The following HS3ST2 variants were observed in gnomAD, a reference collection of about 807,000 sequenced individuals.
The protein encoded by HS3ST2 is heparan sulfate glucosamine 3-O-sulfotransferase 2.
In HS3ST2, 17 loss-of-function variants were observed where a neutral mutation model predicts 26.3. The observed-to-expected ratio is 0.65, with a 90% CI of 0.44 to 0.97. The LOEUF (loss-of-function observed/expected upper bound fraction) is 0.97, where lower values mean the gene tolerates loss of function less well. Among genes scored for constraint, HS3ST2 ranks in the 50% least tolerant of loss-of-function variants. The pLI is 0.00. For missense variants in HS3ST2, 402 were observed against 501.2 expected, an observed-to-expected ratio of 0.80 and a Z score of 1.89; for synonymous variants, 237 against 219.2, an observed-to-expected ratio of 1.08 and a Z score of -0.72.
chr16:22,892,877 A>C (rs1243108780), intron 1 of HS3ST2, among the ~76,000 whole-genome samples: 1 of 152,168 alleles, frequency 6.6e-6, no homozygotes, highest in African/African-American at 2.4e-5. Flanking sequence ...GAAACTTTAT[A>C]GTTATTATGT....
intron 1 of HS3ST2, among the ~76,000 whole-genome samples, chr16:22,883,578 A>G (rs1182892242): frequency 6.6e-6 from 1 of 152,240 alleles, no homozygotes; most frequent in Non-Finnish European, 1.5e-5. Context: ...TATAATAACT[A>G]TGTAACTGGT....
chr16:22,898,438 C>G (rs1322760214), intron 1 of HS3ST2, among the ~76,000 whole-genome samples: 1 of 152,166 alleles, frequency 6.6e-6, no homozygotes, highest in African/African-American at 2.4e-5. Flanking sequence ...AAATAAGCCA[C>G]TTCAGAGACT....
At chr16:22,859,394 G>T (rs1056980993) in intron 1 of HS3ST2, among the ~76,000 whole-genome samples, 1 of 152,170 alleles carries the variant, frequency 6.6e-6, no homozygotes, top group Non-Finnish European at 1.5e-5. Context: ...AGATATTGGG[G>T]CCTCACACGT....
At chr16:22,842,001 C>G (rs923367850) in intron 1 of HS3ST2, among the ~76,000 whole-genome samples, 3 of 149,100 alleles carry the variant, frequency 2.0e-5, no homozygotes, top group African/African-American at 7.4e-5. Flanking sequence ...TTTTTTTTCT[C>G]TGGTTGTTTT....
chr16:22,876,025 C>T (rs996354332), intron 1 of HS3ST2, among the ~76,000 whole-genome samples: 7 of 152,160 alleles, frequency 4.6e-5, no homozygotes, highest in Admixed American at 2.0e-4. Context: ...CATTCTGTGA[C>T]GTTCACACAA....
intron 1 of HS3ST2, among the ~76,000 whole-genome samples, chr16:22,847,876 AAG>A (rs2141184576): frequency 2.0e-5 from 3 of 151,928 alleles, no homozygotes; most frequent in African/African-American, 4.8e-5. Context: ...AAAAAAAAGA[AAG>A]AAAGAGGAAG....
intron 1 of HS3ST2, among the ~76,000 whole-genome samples, chr16:22,822,026 A>G (rs1486982183): frequency 6.6e-6 from 1 of 152,098 alleles, no homozygotes; most frequent in East Asian, 1.9e-4. Context: ...ACACTCCCCA[A>G]GTGAGAAAGC....
At chr16:22,898,117 G>C (rs1290153751) in intron 1 of HS3ST2, among the ~76,000 whole-genome samples, 3 of 152,164 alleles carry the variant, frequency 2.0e-5, no homozygotes, top group African/African-American at 7.2e-5. Context: ...AATATTTGGT[G>C]GGTATGATTC....
intron 1 of HS3ST2, among the ~76,000 whole-genome samples, chr16:22,910,051 A>AAAG (rs1555515050): frequency 6.1e-4 from 93 of 151,682 alleles, no homozygotes; most frequent in East Asian, 1.7e-3. Context: ...AAAAAAAAAA[A>AAAG]AAAGAAAGAA....
rs779096396 is a variant in HS3ST2, at chr16:22,889,521, C to T, written c.486-25423C>T. Among the ~76,000 whole-genome samples, 5 of 152,074 alleles carry T rather than the reference C, an allele frequency of 3.3e-5. No homozygotes were observed. The South Asian group carries it at 1.0e-3, about 32-fold the overall frequency. On this transcript the variant is annotated intron_variant, in intron 1 of 1. Coordinates refer to ENST00000261374, the MANE Select transcript of HS3ST2 (RefSeq NM_006043.2). Reference sequence around the variant, plus strand: ...CAAGGAAATGCTCACTAGAGCATTTCGGATTTTGGATTTTCAGATTCGGGA... The same window carrying T: ...CAAGGAAATGCTCACTAGAGCATTTTGGATTTTGGATTTTCAGATTCGGGA...
chr16:22,846,618 C>T (rs1021500234), intron 1 of HS3ST2, among the ~76,000 whole-genome samples: 8 of 152,164 alleles, frequency 5.3e-5, no homozygotes, highest in African/African-American at 1.9e-4. Flanking sequence ...TGGCAAAAAT[C>T]AGAAAAATGC....
chr16:22,883,504 G>A (rs1902020393), intron 1 of HS3ST2, among the ~76,000 whole-genome samples: 1 of 152,202 alleles, frequency 6.6e-6, no homozygotes. Flanking sequence ...AGGAAGTCCA[G>A]GCATCCACAA....
chr16:22,878,994 C>A (rs1451779747), intron 1 of HS3ST2, among the ~76,000 whole-genome samples: 2 of 152,194 alleles, frequency 1.3e-5, no homozygotes, highest in African/African-American at 4.8e-5. Context: ...TTGCCGAAAG[C>A]CCTGTCTACA....
chr16:22,871,767 C>A (rs1257692685), intron 1 of HS3ST2, among the ~76,000 whole-genome samples: 1 of 152,202 alleles, frequency 6.6e-6, no homozygotes, highest in Non-Finnish European at 1.5e-5. Context: ...ATTTGACAGG[C>A]AAAGTCTCAG....
chr16:22,878,584 G>C (rs1054683185), intron 1 of HS3ST2, among the ~76,000 whole-genome samples: 8 of 151,836 alleles, frequency 5.3e-5, no homozygotes, highest in African/African-American at 1.2e-4. Flanking sequence ...AACACTGAAG[G>C]ATATGAAGCG....
At chr16:22,818,624 C>A (rs1003860424) in intron 1 of HS3ST2, among the ~76,000 whole-genome samples, 12 of 151,522 alleles carry the variant, frequency 7.9e-5, no homozygotes, top group African/African-American at 2.7e-4. Flanking sequence ...CCCTTCCCTT[C>A]CTCCTTCCCT....
At chr16:22,837,626 CACAA>C (rs1477296483) in intron 1 of HS3ST2, among the ~76,000 whole-genome samples, 1 of 132,962 alleles carries the variant, frequency 7.5e-6, no homozygotes, top group Non-Finnish European at 1.5e-5. Context: ...TATATATACA[CACAA>C]ACACACACAC....
chr16:22,902,965 C>G (rs1902300174), intron 1 of HS3ST2, among the ~76,000 whole-genome samples: 1 of 152,002 alleles, frequency 6.6e-6, no homozygotes, highest in African/African-American at 2.4e-5. Context: ...GAAATCAGCT[C>G]TTTGTGTTTA....
intron 1 of HS3ST2, among the ~76,000 whole-genome samples, chr16:22,907,514 G>A (rs1902371064): frequency 1.3e-5 from 2 of 152,162 alleles, no homozygotes. Flanking sequence ...AAGGGAGGAG[G>A]CTGGAGACTT....
Sources: allele counts gnomAD v4.1 joint callset (sites outside exome capture counted in the v4.1 genomes callset), GRCh38; gene constraint gnomAD v4.1.1; transcripts MANE v1.5; gene names NCBI Gene and HGNC (gene_info 2026-07-23, HGNC 2026-07-21).